The following SPIB variants were observed in gnomAD, a reference collection of about 807,000 sequenced individuals.
SPIB encodes the protein transcription factor Spi-B.
Under a neutral mutation model 31.9 loss-of-function variants are expected in SPIB, and 7 were observed. The observed-to-expected ratio is 0.22, with a 90% confidence interval of 0.12 to 0.41. The LOEUF (loss-of-function observed/expected upper bound fraction) is 0.41. SPIB is among the 10% of genes least tolerant of loss of function. The probability of loss-of-function intolerance (pLI) is 1.00; values close to 1 mark genes in which losing one functional copy is unlikely to be tolerated. For missense variants in SPIB, 327 were observed against 360.2 expected (o/e 0.91, Z 0.75); for synonymous variants, 176 against 158.9 (o/e 1.11, Z -0.81).
intron 5 of SPIB, 147 bp from the exon 6 acceptor site, chr19:50,427,891 G>C (rs2039588038): frequency 1.7e-6 from 1 of 580,876 alleles, no homozygotes; most frequent in East Asian, 6.3e-5. Flanking sequence ...GGGGCGCAGA[G>C]CCAGGTGTAT....
chr19:50,419,993 G>T lies in SPIB; in HGVS notation c.51+20G>T. The T allele has an allele frequency of 6.9e-7, 1 of 1,453,702 alleles. No homozygotes were observed. Among genetic ancestry groups the T allele is most frequent in the South Asian group, 1.5e-5 (1 of 66,094 alleles). The allele number at this position is 1,453,702 out of a possible 1,614,324, so 90.1% of individuals were successfully genotyped here. ...TGTCTGGTGAGTTGGGGCCCCTGGG[G>T]GCCAGGGAGGGGTGGCCCACAGTGA... On this transcript the variant is annotated intron_variant, in intron 2 of 5. Transcript: ENST00000595883.
chr19:50,426,772 G>A (rs2039569720), intron 5 of SPIB, among the ~76,000 whole-genome samples: 1 of 152,062 alleles, frequency 6.6e-6, no homozygotes, highest in Non-Finnish European at 1.5e-5. Context: ...TGGGATCACA[G>A]GCATGGCCCA....
chr19:50,422,742 G>A, intron 3 of SPIB, 81 bp from the exon 4 acceptor site: 1 of 1,100,002 alleles, frequency 9.1e-7, no homozygotes, highest in Non-Finnish European at 1.3e-6. Flanking sequence ...AGCCTACAAT[G>A]GCCTCTCTGT....
At position 50,428,768 on chromosome 19, in the gene SPIB, G is replaced by A. The variant is rs1320696496; in HGVS notation, c.*432G>A. On this transcript the variant is annotated 3_prime_UTR_variant, in exon 6 of 6. Coordinates refer to ENST00000595883, the MANE Select transcript of SPIB (RefSeq NM_003121.5). This position sits in a 1 kb window ranked among gnomAD's most constrained non-coding sequence, Gnocchi z 6.5. ...CTCATCTGGGGTGGGGGCCCTGCTG[G>A]CAACCCTGAGCCCTGTCCAAGGTTC... 5.2e-5 allele frequency: 9 copies of A among 173,606 alleles called. No homozygotes were observed. In the East Asian group the frequency reaches 1.4e-3, roughly 27 times the overall value. 10.8% of individuals were successfully genotyped at this position (173,606 alleles called of 1,614,324 possible).
Position 50,428,035 on chromosome 19 carries a change from C to T in SPIB, c.491-3C>T. 6.6e-7 allele frequency: 1 copy of T among 1,513,014 alleles called. No individual in the cohort carries two copies. The highest frequency in any genetic ancestry group is 8.9e-7 in the Non-Finnish European group (1 of 1,123,856). 93.7% of individuals were successfully genotyped at this position (1,513,014 alleles called of 1,614,324 possible). ...CTAACGCGTGCCCCCGACCCCACCG[C>T]AGGGACTCGCAAGAAGCTGCGCCTG... On this transcript the variant is annotated splice_region_variant and splice_polypyrimidine_tract_variant and intron_variant, in intron 5 of 5. Coordinates refer to ENST00000595883, the MANE Select transcript of SPIB (RefSeq NM_003121.5). This position sits in a 1 kb window ranked among gnomAD's most constrained non-coding sequence, Gnocchi z 6.5.
chr19:50,427,924 C>T, intron 5 of SPIB, 114 bp from the exon 6 acceptor site: 1 of 1,257,112 alleles, frequency 8.0e-7, no homozygotes, highest in South Asian at 1.6e-5. Context: ...TCCCTCACCC[C>T]ACTTTTCAGA....
chr19:50,427,745 A>C (rs895362800), intron 5 of SPIB, among the ~76,000 whole-genome samples: 2 of 152,242 alleles, frequency 1.3e-5, no homozygotes, highest in African/African-American at 4.8e-5. Flanking sequence ...CAAATATGGA[A>C]TATTACGTGC....
At chr19:50,424,515 G>C (rs1454748488) in intron 5 of SPIB, among the ~76,000 whole-genome samples, 1 of 152,156 alleles carries the variant, frequency 6.6e-6, no homozygotes, top group Non-Finnish European at 1.5e-5. Flanking sequence ...GGGCATGGTG[G>C]CTCATGCCTT....
intron 2 of SPIB, among the ~76,000 whole-genome samples, chr19:50,421,834 C>T (rs2039499281): frequency 6.6e-6 from 1 of 152,108 alleles, no homozygotes; most frequent in Non-Finnish European, 1.5e-5. Flanking sequence ...AGGCTGGTCT[C>T]GAACTCCTGA....
chr19:50,418,941 A>T lies in SPIB; in HGVS notation c.-22A>T, dbSNP rs1276591362. ...AGGGTTGGCGGCTGCAGCGGGCGGC[A>T]AACAGCCCGCCCGGCACCACCATGC... On this transcript the variant is annotated 5_prime_UTR_variant, in exon 1 of 6. Coordinates refer to ENST00000595883, the MANE Select transcript of SPIB (RefSeq NM_003121.5). The surrounding 1 kb of genome is among the most constrained non-coding windows in gnomAD (Gnocchi z 6.0). The T allele has an allele frequency of 1.3e-6, 2 of 1,552,530 alleles. No homozygotes were observed. The highest frequency in any genetic ancestry group is 2.4e-5 in the South Asian group (2 of 84,238).
At chr19:50,423,073 A>C in intron 4 of SPIB, 36 bp downstream of exon 4, 10 of 1,043,634 alleles carry the variant, frequency 9.6e-6, no homozygotes, top group East Asian at 2.4e-5. Context: ...TCAAGCCCAA[A>C]CCAGGTGTGG....
chr19:50,427,751 C>G (rs1458883596), intron 5 of SPIB, among the ~76,000 whole-genome samples: 1 of 152,050 alleles, frequency 6.6e-6, no homozygotes, highest in African/African-American at 2.4e-5. Flanking sequence ...TGGAATATTA[C>G]GTGCTGGCCG....
chr19:50,422,641 G>T, intron 3 of SPIB, 96 bp downstream of exon 3: 1 of 1,389,028 alleles, frequency 7.2e-7, no homozygotes, highest in Non-Finnish European at 1.0e-6. Flanking sequence ...AGCACAACAG[G>T]ATAAAGGTGG....
At chr19:50,419,067 T>A in intron 1 of SPIB, 82 bp downstream of exon 1, 1 of 1,492,222 alleles carries the variant, frequency 6.7e-7, no homozygotes, top group Non-Finnish European at 9.1e-7. Context: ...GGCAGTGGTT[T>A]CTCTGCTCCT....
chr19:50,424,641 C>T (rs991362491), intron 5 of SPIB, among the ~76,000 whole-genome samples: 2 of 151,920 alleles, frequency 1.3e-5, no homozygotes, highest in Non-Finnish European at 2.9e-5. Context: ...ATTAGCTAGG[C>T]GTGGTGGTGT....
In SPIB at chr19:50,428,300, C is replaced by T. The variant is rs769877061; in HGVS notation, c.753C>T (p.Phe251=). 1.6e-5 allele frequency: 25 copies of T among 1,550,280 alleles called. No individual in the cohort carries two copies. The Admixed American group carries it at 4.7e-4, about 29-fold the overall frequency. ...RKVKRKLTYQ[F]DSALLPAVRR... ...TCAAGCGCAAGCTCACCTACCAGTT[C>T]GACAGCGCGCTGCTGCCTGCAGTCC... The change falls in exon 6 of 6, where the codon TTC becomes TTT. Residue 251 remains phenylalanine (F), a synonymous_variant. Transcript: ENST00000595883. This position sits in a 1 kb window ranked among gnomAD's most constrained non-coding sequence, Gnocchi z 6.5.
chr19:50,423,384 C>A (rs1414794535), intron 4 of SPIB, among the ~76,000 whole-genome samples: 2 of 152,054 alleles, frequency 1.3e-5, no homozygotes, highest in Non-Finnish European at 2.9e-5. Context: ...TGACAGGAAG[C>A]CAGGGACAGG....
chr19:50,425,252 G>A (rs749529635), intron 5 of SPIB, among the ~76,000 whole-genome samples: 28 of 151,964 alleles, frequency 1.8e-4, no homozygotes, highest in Admixed American at 2.6e-4. Flanking sequence ...TGATCCGCCC[G>A]TCTCGGCCTC....
rs2039623342 is a variant in SPIB at position 50,430,187 on chromosome 19, T to A, written c.*1851T>A. 6.6e-6 allele frequency: 1 copy of A among 152,260 alleles called. No homozygotes were observed. The highest frequency in any genetic ancestry group is 1.5e-5 in the Non-Finnish European group (1 of 68,128). The allele number at this position is 152,260 out of a possible 1,614,324, so 9.4% of individuals were successfully genotyped here. A position where few individuals can be genotyped will look rare whatever the true frequency, so the allele number is the denominator to read the frequency against. On this transcript the variant is annotated 3_prime_UTR_variant, in exon 6 of 6. Coordinates refer to ENST00000595883, the MANE Select transcript of SPIB (RefSeq NM_003121.5). ...GCATTTGTTCTCCAATCTGCCCCAG[T>A]CGCTGCCATCCCTGGCTATCTCACC...
Sources: allele counts gnomAD v4.1 joint callset (sites outside exome capture counted in the v4.1 genomes callset), GRCh38; gene constraint gnomAD v4.1.1; non-coding constraint Gnocchi (gnomAD v3.1); transcripts MANE v1.5; gene names NCBI Gene and HGNC (gene_info 2026-07-23, HGNC 2026-07-21).